Variants in UACA observed in about 807,000 individuals in gnomAD.
UACA encodes nuclear membrane binding protein.
In UACA, 112 loss-of-function variants were observed where a neutral mutation model predicts 160.5. The ratio of observed to expected loss-of-function variants is 0.70; its 90% CI spans 0.60 to 0.82. UACA has a LOEUF of 0.82. Among genes scored for constraint, UACA ranks in the 40% least tolerant of loss-of-function variants. The probability of loss-of-function intolerance (pLI) is 0.00; values close to 1 mark genes in which losing one functional copy is unlikely to be tolerated. For missense variants in UACA, 1,574 were observed against 1,614.6 expected, an observed-to-expected ratio of 0.97 and a Z score of 0.43; for synonymous variants, 557 against 568.4, an observed-to-expected ratio of 0.98 and a Z score of 0.29.
chr15:70,675,615 G>A (rs1014967585), intron 13 of UACA, among the ~76,000 whole-genome samples: 3 of 152,088 alleles, frequency 2.0e-5, no homozygotes, highest in Admixed American at 6.6e-5. Flanking sequence ...AAATAGAATC[G>A]TGCAGTATGT....
the UACA span, among the ~76,000 whole-genome samples, chr15:70,772,748 GGAA>G: frequency 6.0e-4 from 92 of 152,262 alleles, 1 homozygote; most frequent in Admixed American, 2.9e-3. Flanking sequence ...AATCTGTCAT[GGAA>G]GAAGAGGGCC....
At chr15:70,774,920 T>C in the UACA span, among the ~76,000 whole-genome samples, 1 of 151,870 alleles carries the variant, frequency 6.6e-6, no homozygotes, top group Non-Finnish European at 1.5e-5. Context: ...CCAGGCATAG[T>C]AGCACACACC....
intron 2 of UACA, among the ~76,000 whole-genome samples, chr15:70,696,672 G>A (rs1435184809): frequency 1.3e-5 from 2 of 152,144 alleles, no homozygotes; most frequent in South Asian, 2.1e-4. Context: ...CTATAAGGCT[G>A]AGTATCTCTG....
At chr15:70,748,379 T>C (rs1487905989) in intron 1 of UACA, among the ~76,000 whole-genome samples, 1 of 150,068 alleles carries the variant, frequency 6.7e-6, no homozygotes, top group East Asian at 1.9e-4. Flanking sequence ...TGACACAGTC[T>C]TCTGGCAGTT....
intron 1 of UACA, among the ~76,000 whole-genome samples, chr15:70,745,078 C>A (rs1443829077): frequency 6.6e-6 from 1 of 152,098 alleles, no homozygotes; most frequent in Non-Finnish European, 1.5e-5. Context: ...ATACAACTTA[C>A]AAGGGATGTG....
intron 1 of UACA, among the ~76,000 whole-genome samples, chr15:70,762,243 A>C (rs957758804): frequency 0.11 from 22 of 206 alleles, no homozygotes; most frequent in African/African-American, 0.22. Flanking sequence ...GGTGGAGAGA[A>C]AGGCATAACT....
At position 70,668,332 on chromosome 15, in the gene UACA, T is replaced by C. The variant is rs759376888; in HGVS notation, c.2352A>G (p.Lys784=). 4 of 1,610,668 alleles carry C rather than the reference T, an allele frequency of 2.5e-6. No individual in the cohort carries two copies. In the African/African-American group the frequency reaches 5.4e-5, roughly 22 times the overall value. ...KYTEKKLEME[K]LLLENDSLSK... ...TTAAGCTGTCATTTTCCAGTAGCAA[T>C]TTCTCCATTTCCAACTTCTTTTCTG... is the stretch of plus-strand genomic sequence containing the variant. Residue 784 remains lysine (K), a synonymous_variant, in exon 16 of 19, where the codon AAA becomes AAG. Coordinates refer to ENST00000322954, the MANE Select transcript of UACA (RefSeq NM_018003.4).
At chr15:70,728,432 G>A (rs1390317031) in intron 1 of UACA, among the ~76,000 whole-genome samples, 1 of 151,858 alleles carries the variant, frequency 6.6e-6, no homozygotes, top group African/African-American at 2.4e-5. Flanking sequence ...GCGTGGTGGT[G>A]CATGCCTGTA....
intron 17 of UACA, among the ~76,000 whole-genome samples, chr15:70,662,027 A>G (rs1896724341): frequency 6.6e-6 from 1 of 152,154 alleles, no homozygotes; most frequent in African/African-American, 2.4e-5. Flanking sequence ...CAGGCAGGAG[A>G]AGGAAATAAA....
chr15:70,686,230 C>T (rs1046760757), intron 7 of UACA, among the ~76,000 whole-genome samples: 5 of 150,942 alleles, frequency 3.3e-5, no homozygotes, highest in African/African-American at 1.2e-4. Context: ...AGAATGGGTG[C>T]CGGAGGTGGT....
intron 3 of UACA, among the ~76,000 whole-genome samples, chr15:70,692,751 T>C (rs1039057164): frequency 6.6e-6 from 1 of 152,148 alleles, no homozygotes; most frequent in African/African-American, 2.4e-5. Context: ...CCTAAGTGAC[T>C]GAGCGAAATC....
chr15:70,667,624 T>C lies in UACA; in HGVS notation c.3060A>G (p.Glu1020=), dbSNP rs750650986. The change falls in exon 16 of 19, where the codon GAA becomes GAG. Residue 1020 remains glutamate (E), a synonymous_variant. Transcript: ENST00000322954. ...CTTGCTTGTTTTTCTTGACTTCTTC[T>C]TCACTGACACTATACTTTTGTGTCT... The part of the protein sequence containing the change: ...SEQTQKYSVS[E]EEVKKNKQEN... The C allele has an allele frequency of 6.2e-7, 1 of 1,612,832 alleles. No individual in the cohort carries two copies. The highest frequency in any genetic ancestry group is 8.5e-7 in the Non-Finnish European group (1 of 1,179,918).
At chr15:70,661,733 G>T (rs1382772860) in intron 17 of UACA, 1 of 152,126 alleles carries the variant, frequency 6.6e-6, no homozygotes, top group Non-Finnish European at 1.5e-5. Flanking sequence ...GAGCCCAGGA[G>T]ATCAGCCTAT....
In UACA at chr15:70,751,058, A is replaced by ACAG. The variant is rs1022193572; in HGVS notation, c.78+12269_78+12271dup. Among the ~76,000 whole-genome samples the ACAG allele has an allele frequency of 1.8e-4, 28 of 152,152 alleles. 1 individual carries two copies. The highest frequency in any genetic ancestry group is 1.0e-4 in the Non-Finnish European group (7 of 68,030). ...ACAATCTCATCTCAATTTTTAAAAG[A>ACAG]CAGCAGCAGCAGCAGCTTATCCTAC... On this transcript the variant is annotated intron_variant, in intron 1 of 18. Transcript: ENST00000322954.
At chr15:70,709,416 T>C (rs1898613226) in intron 1 of UACA, among the ~76,000 whole-genome samples, 1 of 152,196 alleles carries the variant, frequency 6.6e-6, no homozygotes, top group Non-Finnish European at 1.5e-5. Flanking sequence ...AAACTCTAAA[T>C]CAACATAAAA....
upstream of UACA, among the ~76,000 whole-genome samples, chr15:70,764,686 A>C (rs1409135019): frequency 1.3e-5 from 2 of 152,218 alleles, no homozygotes; most frequent in Admixed American, 1.3e-4. Context: ...GCATTCAAAG[A>C]CTGTGTTAAC....
chr15:70,753,064 A>T (rs1198782545), intron 1 of UACA, among the ~76,000 whole-genome samples: 1 of 152,238 alleles, frequency 6.6e-6, no homozygotes, highest in East Asian at 1.9e-4. Context: ...AGGTAACAGA[A>T]GCACAGCTAT....
In UACA at chr15:70,684,439, G is replaced by C. The variant is rs1405222421; in HGVS notation, c.610C>G (p.Leu204Val). The change falls in exon 8 of 19, where the codon CTC becomes GTC. Residue 204 changes from leucine (L) to valine (V), a missense_variant. Physicochemically the swap from Leu to Val is conservative, Grantham distance 32. Coordinates refer to ENST00000322954, the MANE Select transcript of UACA (RefSeq NM_018003.4). ...NSRDKQNRTA[L>V]MLGCEYGCRD... Reference sequence around the variant, plus strand: ...CAACCATATTCGCAACCTAGCATGAGGGCAGTTCTAAATGGAAAAATGGAA... The same window carrying C: ...CAACCATATTCGCAACCTAGCATGACGGCAGTTCTAAATGGAAAAATGGAA... 6.2e-7 allele frequency: 1 copy of C among 1,603,124 alleles called. No individual in the cohort carries two copies. Among genetic ancestry groups the C allele is most frequent in the South Asian group, 1.1e-5 (1 of 88,424 alleles).
intron 1 of UACA, among the ~76,000 whole-genome samples, chr15:70,745,705 C>G (rs1020444418): frequency 2.0e-5 from 3 of 152,166 alleles, no homozygotes; most frequent in African/African-American, 7.2e-5. Context: ...TACCTGACTT[C>G]AAACTATAAT....
Sources: allele counts gnomAD v4.1 joint callset (sites outside exome capture counted in the v4.1 genomes callset), GRCh38; gene constraint gnomAD v4.1.1; transcripts MANE v1.5; gene names NCBI Gene and HGNC (gene_info 2026-07-23, HGNC 2026-07-21).